Variants in SPATA17 observed in about 807,000 individuals in gnomAD.
SPATA17 encodes spermatogenesis associated 17.
SPATA17 carries 53 observed loss-of-function variants against 62.2 expected under a neutral mutation model. The ratio of observed to expected loss-of-function variants is 0.85; its 90% CI spans 0.68 to 1.07. The LOEUF is 1.07. Among genes scored for constraint, SPATA17 ranks in the 50% least tolerant of loss-of-function variants. The probability of loss-of-function intolerance (pLI) is 0.00; values close to 1 mark genes in which losing one functional copy is unlikely to be tolerated. For missense variants in SPATA17, 466 were observed against 425.5 expected, an observed-to-expected ratio of 1.10 and a Z score of -0.84; for synonymous variants, 146 against 146.8, an observed-to-expected ratio of 0.99 and a Z score of 0.04.
At chr1:217,783,092 T>A (rs2102977422) in intron 8 of SPATA17, among the ~76,000 whole-genome samples, 1 of 150,940 alleles carries the variant, frequency 6.6e-6, no homozygotes, top group South Asian at 2.1e-4. Flanking sequence ...ATGATAATAT[T>A]GGTATACTAT....
At chr1:217,661,854 C>T (rs1670577846) in intron 3 of SPATA17, among the ~76,000 whole-genome samples, 1 of 152,114 alleles carries the variant, frequency 6.6e-6, no homozygotes, top group Non-Finnish European at 1.5e-5. Flanking sequence ...TTACTGTGGC[C>T]TGTTCATTTC....
intron 8 of SPATA17, among the ~76,000 whole-genome samples, chr1:217,791,932 G>A (rs1479277381): frequency 6.6e-6 from 1 of 152,136 alleles, no homozygotes; most frequent in African/African-American, 2.4e-5. Context: ...GGTAGAGAAA[G>A]GTTGAGAAGC....
chr1:217,638,793 G>GTTTAAAATTTTTTT (rs1488571769), intron 1 of SPATA17, among the ~76,000 whole-genome samples: 1 of 151,964 alleles, frequency 6.6e-6, no homozygotes, highest in Non-Finnish European at 1.5e-5. Flanking sequence ...AAAAAATACT[G>GTTTAAAATTTTTTT]TAACCAATTT....
At chr1:217,670,321 TAGA>T (rs1158677721) in intron 4 of SPATA17, among the ~76,000 whole-genome samples, 5 of 152,210 alleles carry the variant, frequency 3.3e-5, no homozygotes, top group South Asian at 4.1e-4. Context: ...GGGGAGACTG[TAGA>T]AGGAGATCCT....
chr1:217,637,682 G>A (rs1175120851), intron 1 of SPATA17, among the ~76,000 whole-genome samples: 1 of 152,052 alleles, frequency 6.6e-6, no homozygotes, highest in East Asian at 1.9e-4. Context: ...AATTCTCTTA[G>A]TCCTATTAGC....
intron 5 of SPATA17, among the ~76,000 whole-genome samples, chr1:217,732,567 TC>T (rs1327510756): frequency 1.3e-5 from 2 of 152,156 alleles, no homozygotes; most frequent in African/African-American, 4.8e-5. Flanking sequence ...ATCCTCCTCC[TC>T]CACAGCTGAA....
chr1:217,704,136 G>C (rs181851240), intron 5 of SPATA17, among the ~76,000 whole-genome samples: 115 of 148,340 alleles, frequency 7.8e-4, no homozygotes, highest in Non-Finnish European at 1.4e-3. Context: ...GCATGTCACA[G>C]TGGTTGGGTG....
At chr1:217,815,205 A>T (rs1410216971) in intron 9 of SPATA17, among the ~76,000 whole-genome samples, 1 of 152,116 alleles carries the variant, frequency 6.6e-6, no homozygotes, top group Non-Finnish European at 1.5e-5. Flanking sequence ...GAATAAGGGG[A>T]CCCCAAATGA....
intron 4 of SPATA17, among the ~76,000 whole-genome samples, chr1:217,681,420 C>T (rs1444311320): frequency 6.6e-6 from 1 of 151,790 alleles, no homozygotes; most frequent in Non-Finnish European, 1.5e-5. Flanking sequence ...GTCGCCCAGG[C>T]TGGAGTGCAG....
rs528829736 is a variant in SPATA17 at position 217,686,044 on chromosome 1, A to T, written c.395+2683A>T. Among the ~76,000 whole-genome samples, 10 of 152,290 alleles carry T rather than the reference A, an allele frequency of 6.6e-5. 1 individual carries two copies. In the South Asian group the frequency reaches 2.1e-3, roughly 32 times the overall value. On this transcript the variant is annotated intron_variant, in intron 5 of 10. Coordinates refer to ENST00000366933, the MANE Select transcript of SPATA17 (RefSeq NM_138796.4). ...AAACATATTATTTATAGGGTTCAAT[A>T]TTATCTGCAGTTTCAGGCAGCCACA...
chr1:217,786,542 A>G (rs1673866971), intron 8 of SPATA17, among the ~76,000 whole-genome samples: 1 of 152,126 alleles, frequency 6.6e-6, no homozygotes, highest in Non-Finnish European at 1.5e-5. Flanking sequence ...TTCAAGACCA[A>G]GTAGTTGGTG....
In SPATA17 at chr1:217,770,978, A is replaced by ATTTTTTTTTTTTT. The variant is rs374042087; in HGVS notation, c.520-3338_520-3326dup. 5.0e-4 allele frequency among the ~76,000 whole-genome samples: 25 copies of ATTTTTTTTTTTTT among 50,160 alleles called. 3 individuals carry two copies. Among genetic ancestry groups the ATTTTTTTTTTTTT allele is most frequent in the African/African-American group, 1.3e-3 (15 of 11,572 alleles). 32.9% of individuals were successfully genotyped at this position (50,160 alleles called of 152,430 possible). A position where few individuals can be genotyped will look rare whatever the true frequency, so the allele number is the denominator to read the frequency against. ...ATGTATCTATTATATAACTCATTGC[A>ATTTTTTTTTTTTT]TTTTTTTTTTTTTTTTTTTTTTTTT... On this transcript the variant is annotated intron_variant, in intron 6 of 10. Coordinates refer to ENST00000366933, the MANE Select transcript of SPATA17 (RefSeq NM_138796.4).
At chr1:217,771,434 C>T (rs1673442757) in intron 6 of SPATA17, among the ~76,000 whole-genome samples, 1 of 151,912 alleles carries the variant, frequency 6.6e-6, no homozygotes, top group Non-Finnish European at 1.5e-5. Context: ...AACAAGAAAC[C>T]ATTATTCATA....
intron 2 of SPATA17, 85 bp from the exon 3 acceptor site, chr1:217,651,012 G>C: frequency 1.0e-6 from 1 of 998,502 alleles, no homozygotes; most frequent in Non-Finnish European, 1.5e-6. Flanking sequence ...TTGAATTCTT[G>C]AATTGTAGGA....
At chr1:217,712,830 T>TCC (rs1671909973) in intron 5 of SPATA17, among the ~76,000 whole-genome samples, 1 of 152,048 alleles carries the variant, frequency 6.6e-6, no homozygotes, top group Non-Finnish European at 1.5e-5. Context: ...TGTTTTGGCA[T>TCC]CCAGAGACCA....
At chr1:217,791,201 G>C (rs1157059533) in intron 8 of SPATA17, among the ~76,000 whole-genome samples, 2 of 152,124 alleles carry the variant, frequency 1.3e-5, no homozygotes, top group African/African-American at 4.8e-5. Context: ...GCAGTAATAG[G>C]AGAGGTAGTT....
chr1:217,813,103 T>C (rs1674633063), intron 9 of SPATA17, among the ~76,000 whole-genome samples: 1 of 152,204 alleles, frequency 6.6e-6, no homozygotes, highest in South Asian at 2.1e-4. Context: ...CTCCTAAGCA[T>C]ATTGCACAGA....
intron 2 of SPATA17, among the ~76,000 whole-genome samples, chr1:217,650,131 G>A (rs1670276925): frequency 6.6e-6 from 1 of 151,838 alleles, no homozygotes; most frequent in Non-Finnish European, 1.5e-5. Flanking sequence ...TAGAGGCGGG[G>A]TTTCTCCATG....
rs1035533117 is a variant in SPATA17, at chr1:217,747,641, C to G, written c.519+5543C>G. On this transcript the variant is annotated intron_variant, in intron 6 of 10. Coordinates refer to ENST00000366933, the MANE Select transcript of SPATA17 (RefSeq NM_138796.4). ...AAATAAACATAAAATATACATATAA[C>G]TCAGTATAACTATGCATATTTTATT... Among the ~76,000 whole-genome samples, 12 of 152,090 alleles carry G rather than the reference C, an allele frequency of 7.9e-5. No homozygotes were observed. In the South Asian group the frequency reaches 1.5e-3, roughly 18 times the overall value.
Sources: gnomAD v4.1 joint callset for allele counts (sites outside exome capture counted in the v4.1 genomes callset) on GRCh38, gnomAD v4.1.1 for gene constraint, MANE v1.5 for transcripts, NCBI Gene and HGNC (gene_info 2026-07-23, HGNC 2026-07-21) for gene names.